Variants in XRCC5 observed in about 807,000 individuals in gnomAD.
The protein encoded by XRCC5 is DNA repair protein Ku80.
XRCC5 carries 12 observed loss-of-function variants against 95.7 expected under a neutral mutation model. That is an observed-to-expected ratio of 0.13 (90% CI 0.08 to 0.20). The LOEUF is 0.20. XRCC5 is among the 10% of genes least tolerant of loss of function. XRCC5 has a pLI of 1.00. For synonymous variants in XRCC5, 281 were observed against 290.3 expected (o/e 0.97, Z 0.33); for missense variants, 595 against 873.9 (o/e 0.68, Z 4.02).
chr2:216,180,130 G>T (rs967776267), intron 16 of XRCC5, among the ~76,000 whole-genome samples: 1 of 152,228 alleles, frequency 6.6e-6, no homozygotes, highest in Non-Finnish European at 1.5e-5. Context: ...GGTCTGAGTT[G>T]TATGTATAAA....
intron 4 of XRCC5, among the ~76,000 whole-genome samples, chr2:216,118,537 A>G (rs1446687830): frequency 2.6e-5 from 4 of 152,100 alleles, no homozygotes; most frequent in East Asian, 1.9e-4. Context: ...CTGGAGACAT[A>G]TATGTGCATG....
rs537465845 is a variant in XRCC5 at position 216,142,640 on chromosome 2, C to T, written c.1476+1321C>T. On this transcript the variant is annotated intron_variant, in intron 13 of 20. Coordinates refer to ENST00000392132, the MANE Select transcript of XRCC5 (RefSeq NM_021141.4). ...CAGCTTTTTAAGGCAAGCTGTTGCT[C>T]ACAGAGGAGTAGAGGGCCCTTTTCT... Among the ~76,000 whole-genome samples the T allele has an allele frequency of 2.4e-3, 370 of 152,276 alleles. 3 individuals carry two copies. Among genetic ancestry groups the T allele is most frequent in the South Asian group, 0.017 (84 of 4,820 alleles).
intron 16 of XRCC5, among the ~76,000 whole-genome samples, chr2:216,188,847 G>T (rs1214518739): frequency 1.3e-5 from 2 of 152,188 alleles, no homozygotes; most frequent in African/African-American, 2.4e-5. Context: ...ACTGCTGCGG[G>T]ATACGTTGGT....
chr2:216,156,049 T>A (rs577486750), intron 14 of XRCC5, among the ~76,000 whole-genome samples: 1 of 152,306 alleles, frequency 6.6e-6, no homozygotes, highest in Non-Finnish European at 1.5e-5. Context: ...TAAATTAAGC[T>A]ACCAATGACA....
chr2:216,131,146 A>G (rs1696988179), intron 9 of XRCC5, 159 bp downstream of exon 9: 1 of 982,066 alleles, frequency 1.0e-6, no homozygotes, highest in Non-Finnish European at 1.2e-6. Context: ...TATTTTATAC[A>G]TTGGGAAACT....
chr2:216,192,827 CTG>C (rs1277306088), intron 18 of XRCC5, 92 bp downstream of exon 18: 22 of 881,122 alleles, frequency 2.5e-5, no homozygotes, highest in Admixed American at 2.4e-4. Context: ...TAAATATAAA[CTG>C]TATTGTATAA....
Position 216,166,276 on chromosome 2 carries a change from C to G in XRCC5, c.1834+4228C>G, listed in dbSNP as rs893888512. On this transcript the variant is annotated intron_variant, in intron 16 of 20. Transcript: ENST00000392132. ...ACCTGGAGCTACAGGCACACACTAC[C>G]ACACCAGGCTAATTTTTGTAGTTTT... 3.2e-4 allele frequency among the ~76,000 whole-genome samples: 48 copies of G among 152,072 alleles called. 1 individual carries two copies. Among genetic ancestry groups the G allele is most frequent in the South Asian group, 2.1e-4 (1 of 4,820 alleles).
chr2:216,147,663 C>T (rs937902191), intron 13 of XRCC5, among the ~76,000 whole-genome samples: 2 of 152,142 alleles, frequency 1.3e-5, no homozygotes, highest in Non-Finnish European at 2.9e-5. Context: ...CACCACATGG[C>T]ATTCTCTGAG....
intron 10 of XRCC5, among the ~76,000 whole-genome samples, chr2:216,136,213 G>A (rs1439466082): frequency 4.0e-5 from 6 of 151,898 alleles, no homozygotes; most frequent in African/African-American, 1.4e-4. Flanking sequence ...AAAATTAGCC[G>A]GGCGTGGTGG....
At chr2:216,204,247 A>G (rs1296890149) in intron 19 of XRCC5, 75 bp from the exon 20 acceptor site, 4 of 1,543,538 alleles carry the variant, frequency 2.6e-6, no homozygotes, top group Non-Finnish European at 3.6e-6. Flanking sequence ...TGCTGTGGCA[A>G]TGCTAGCAGA....
chr2:216,148,497 C>G (rs576276394), intron 14 of XRCC5, among the ~76,000 whole-genome samples: 4 of 152,136 alleles, frequency 2.6e-5, no homozygotes, highest in African/African-American at 9.7e-5. Context: ...GAGCTACCTT[C>G]TGGGCTGATG....
At chr2:216,167,202 C>T (rs762176939) in intron 16 of XRCC5, among the ~76,000 whole-genome samples, 20 of 152,162 alleles carry the variant, frequency 1.3e-4, no homozygotes, top group Admixed American at 3.9e-4. Flanking sequence ...AAGGTGATCA[C>T]TTCATTTTTT....
chr2:216,163,153 G>C (rs1019766300), intron 16 of XRCC5, among the ~76,000 whole-genome samples: 1 of 146,622 alleles, frequency 6.8e-6, no homozygotes, highest in African/African-American at 2.5e-5. Flanking sequence ...TTTTTTTTTA[G>C]TGACAGGGTC....
intron 16 of XRCC5, chr2:216,176,150 ACT>A (rs142660665): frequency 0.11 from 18,131 of 166,412 alleles, 1,039 homozygotes; most frequent in South Asian, 0.17. Context: ...ACGGGGTCTC[ACT>A]CTGTTGCCCA....
chr2:216,159,616 A>G (rs1688911842), intron 14 of XRCC5, among the ~76,000 whole-genome samples: 1 of 152,250 alleles, frequency 6.6e-6, no homozygotes, highest in Non-Finnish European at 1.5e-5. Flanking sequence ...CATACATGAT[A>G]GAGAAAACGG....
At chr2:216,162,103 A>G (rs1688964398) in intron 16 of XRCC5, 55 bp downstream of exon 16, 12 of 1,491,438 alleles carry the variant, frequency 8.0e-6, no homozygotes, top group Non-Finnish European at 1.1e-5. Context: ...TAACTAATTT[A>G]AAGTCTAGAT....
At chr2:216,196,794 A>G (rs1228972267) in intron 19 of XRCC5, among the ~76,000 whole-genome samples, 1 of 152,226 alleles carries the variant, frequency 6.6e-6, no homozygotes, top group East Asian at 1.9e-4. Flanking sequence ...AATCACATCT[A>G]CAAAATACCC....
intron 16 of XRCC5, among the ~76,000 whole-genome samples, chr2:216,170,497 AG>A (rs1689141406): frequency 6.6e-6 from 1 of 152,106 alleles, no homozygotes; most frequent in South Asian, 2.1e-4. Context: ...AAGGAGAGAG[AG>A]AGAGAGAGAG....
chr2:216,187,817 ACACACTCTCTCTCTCT>A (rs1175628169), intron 16 of XRCC5, among the ~76,000 whole-genome samples: 5 of 59,068 alleles, frequency 8.5e-5, no homozygotes, highest in South Asian at 6.7e-4. Flanking sequence ...ACACACACAC[ACACACTCTCTCTCTCT>A]CTCTCTCTCT....
Sources: gnomAD v4.1 joint callset for allele counts (sites outside exome capture counted in the v4.1 genomes callset) on GRCh38, gnomAD v4.1.1 for gene constraint, MANE v1.5 for transcripts, NCBI Gene and HGNC (gene_info 2026-07-23, HGNC 2026-07-21) for gene names.